The following VDAC1 variants were observed in gnomAD, a reference collection of about 807,000 sequenced individuals.
VDAC1 encodes voltage dependent anion channel 1.
VDAC1 carries 10 observed loss-of-function variants against 34.7 expected under a neutral mutation model. The ratio of observed to expected loss-of-function variants is 0.29; its 90% CI spans 0.18 to 0.49. The LOEUF (loss-of-function observed/expected upper bound fraction) is 0.49, where lower values mean the gene tolerates loss of function less well. Ranked by LOEUF, VDAC1 falls within the 20% of genes least tolerant of loss-of-function variation. The pLI, the probability that VDAC1 is intolerant of heterozygous loss-of-function variation, is 0.99. For missense variants in VDAC1, 230 were observed against 347.9 expected (o/e 0.66, Z 2.69); for synonymous variants, 130 against 136.0 (o/e 0.96, Z 0.30).
chr5:134,001,051 G>A (rs945152637), intron 1 of VDAC1, among the ~76,000 whole-genome samples: 10 of 152,170 alleles, frequency 6.6e-5, no homozygotes, highest in South Asian at 6.2e-4. Context: ...CAGTTGGCCC[G>A]CACACAGCCA....
chr5:134,004,323 C>T (rs532575614), intron 1 of VDAC1, among the ~76,000 whole-genome samples: 1 of 151,936 alleles, frequency 6.6e-6, no homozygotes, highest in Non-Finnish European at 1.5e-5. Flanking sequence ...CACCTAGACG[C>T]GCGGCCCGCC....
chr5:133,989,085 G>C (rs1034193630), intron 5 of VDAC1: 2 of 152,230 alleles, frequency 1.3e-5, no homozygotes, highest in African/African-American at 4.8e-5. Context: ...AGAGGAATGA[G>C]AGTAAATCAG....
chr5:134,026,516 GAAAAAAA>G, the VDAC1 span, among the ~76,000 whole-genome samples: 52 of 72,332 alleles, frequency 7.2e-4, no homozygotes, highest in South Asian at 0.012. Flanking sequence ...CTCCGTCTCA[GAAAAAAA>G]AAAAAAAAAA....
chr5:134,051,342 G>A, the VDAC1 span, among the ~76,000 whole-genome samples: 1 of 152,278 alleles, frequency 6.6e-6, no homozygotes, highest in Non-Finnish European at 1.5e-5. Flanking sequence ...CTGGGCTACA[G>A]TGAAGAAGGC....
chr5:134,005,841 T>A (rs928987497), upstream of VDAC1, among the ~76,000 whole-genome samples: 1 of 152,222 alleles, frequency 6.6e-6, no homozygotes, highest in African/African-American at 2.4e-5. Context: ...ATCCTTCGCC[T>A]TTGATCAACA....
chr5:134,018,377 C>A, the VDAC1 span, among the ~76,000 whole-genome samples: 1 of 152,326 alleles, frequency 6.6e-6, no homozygotes, highest in African/African-American at 2.4e-5. Flanking sequence ...GCCCCCATGA[C>A]TAAAACACCT....
At chr5:134,060,590 AT>A in the VDAC1 span, among the ~76,000 whole-genome samples, 1 of 151,906 alleles carries the variant, frequency 6.6e-6, no homozygotes, top group African/African-American at 2.4e-5. Context: ...ATTTTAAAAT[AT>A]CAAAGAATTT....
In VDAC1 at chr5:133,992,677, G is replaced by A. The variant is rs117699267; in HGVS notation, c.67+269C>T. 6.9e-3 allele frequency among the ~76,000 whole-genome samples: 1,048 copies of A among 152,354 alleles called. 83 individuals are homozygous for A. The East Asian group carries it at 0.17, about 25-fold the overall frequency. ...AGCACAGGCTAAATATAGAAGCCGC[G>A]CTCCACTGCAGCAGCTTCCACAGGG... is the stretch of plus-strand genomic sequence containing the variant. On this transcript the variant is annotated intron_variant, in intron 2 of 8. Coordinates refer to ENST00000265333, the MANE Select transcript of VDAC1 (RefSeq NM_003374.3).
chr5:133,977,001 A>G (rs1202055622), intron 6 of VDAC1, among the ~76,000 whole-genome samples: 2 of 152,152 alleles, frequency 1.3e-5, no homozygotes. Flanking sequence ...CTGAGATCTC[A>G]CCACTGCACT....
intron 1 of VDAC1, among the ~76,000 whole-genome samples, chr5:134,001,947 G>A (rs1561601226): frequency 6.6e-6 from 1 of 151,986 alleles, no homozygotes; most frequent in Non-Finnish European, 1.5e-5. Flanking sequence ...GAGCCCACTG[G>A]TCAACTTTTC....
At chr5:134,027,116 C>A in the VDAC1 span, among the ~76,000 whole-genome samples, 3 of 152,162 alleles carry the variant, frequency 2.0e-5, no homozygotes, top group African/African-American at 7.2e-5. Context: ...ACAGGACAGG[C>A]CCCAACCCCG....
At chr5:134,047,908 C>A in the VDAC1 span, among the ~76,000 whole-genome samples, 3 of 151,784 alleles carry the variant, frequency 2.0e-5, no homozygotes, top group African/African-American at 7.3e-5. Flanking sequence ...TCATAAGAGG[C>A]TAGTCAACAA....
the VDAC1 span, among the ~76,000 whole-genome samples, chr5:134,063,047 T>G: frequency 6.6e-6 from 1 of 152,244 alleles, no homozygotes; most frequent in East Asian, 1.9e-4. Flanking sequence ...GTTGTTGCTT[T>G]TTTAAAATAA....
chr5:134,104,212 GC>G, the VDAC1 span, among the ~76,000 whole-genome samples: 1 of 152,218 alleles, frequency 6.6e-6, no homozygotes, highest in Non-Finnish European at 1.5e-5. Flanking sequence ...GAGCAGAGAG[GC>G]CCCATGAAAG....
chr5:134,078,343 G>A, the VDAC1 span, among the ~76,000 whole-genome samples: 1 of 152,224 alleles, frequency 6.6e-6, no homozygotes, highest in African/African-American at 2.4e-5. Flanking sequence ...GAGGGATTCG[G>A]CTGAAAGTTG....
chr5:134,040,029 G>T, the VDAC1 span, among the ~76,000 whole-genome samples: 7 of 152,210 alleles, frequency 4.6e-5, no homozygotes, highest in African/African-American at 1.4e-4. Context: ...CCAAAATTGG[G>T]CCCTTCCAGG....
the VDAC1 span, among the ~76,000 whole-genome samples, chr5:134,053,296 G>A: frequency 6.6e-6 from 1 of 152,206 alleles, no homozygotes; most frequent in Admixed American, 6.5e-5. Context: ...CACCCAGCAA[G>A]TCAGCAAAAA....
the VDAC1 span, among the ~76,000 whole-genome samples, chr5:134,039,713 T>A: frequency 1.3e-5 from 2 of 152,138 alleles, no homozygotes; most frequent in Non-Finnish European, 2.9e-5. Context: ...ATTAGAGAAT[T>A]AGCCACGAGG....
chr5:134,048,142 T>C, the VDAC1 span, among the ~76,000 whole-genome samples: 1 of 151,640 alleles, frequency 6.6e-6, no homozygotes, highest in Admixed American at 6.6e-5. Flanking sequence ...TAACTTTTTC[T>C]ATTTTTTAGT....
Sources: allele counts gnomAD v4.1 joint callset (sites outside exome capture counted in the v4.1 genomes callset), GRCh38; gene constraint gnomAD v4.1.1; transcripts MANE v1.5; gene names NCBI Gene and HGNC (gene_info 2026-07-23, HGNC 2026-07-21).